PROX2: variants seen among roughly 807,000 people sequenced by gnomAD.
The protein encoded by PROX2 is prospero homeobox protein 2.
A neutral mutation model predicts 48.9 loss-of-function variants in PROX2; 46 were observed. The ratio of observed to expected loss-of-function variants is 0.94; its 90% confidence interval spans 0.74 to 1.20. The LOEUF is 1.20. Ranked by LOEUF, PROX2 falls within the 50% of genes most tolerant of loss-of-function variation. The pLI is 0.00. For synonymous variants in PROX2, 260 were observed against 276.6 expected (o/e 0.94, Z 0.60); for missense variants, 663 against 719.4 (o/e 0.92, Z 0.90).
At chr14:74,865,514 C>T (rs2140170887) in intron 2 of PROX2, among the ~76,000 whole-genome samples, 1 of 152,356 alleles carries the variant, frequency 6.6e-6, no homozygotes, top group African/African-American at 2.4e-5. Flanking sequence ...GTACACTATA[C>T]TCCAACCACG....
rs1293982699 is a variant in PROX2, at chr14:74,853,585, G to C, written c.*1547C>G. The stretch of plus-strand genomic sequence containing the variant: ...AAAATTCATCTTTCATACTTTTTAT[G>C]CTGATAGTTCTAGTAATAGTTTAGG... On this transcript the variant is annotated 3_prime_UTR_variant, in exon 6 of 6. Transcript: ENST00000556489. The C allele has an allele frequency of 6.6e-6, 1 of 152,152 alleles. No individual in the cohort carries two copies. The highest frequency in any genetic ancestry group is 2.4e-5 in the African/African-American group (1 of 41,428). 9.4% of individuals were successfully genotyped at this position (152,152 alleles called of 1,614,324 possible). A position where few individuals can be genotyped will look rare whatever the true frequency, so the allele number is the denominator to read the frequency against.
intron 2 of PROX2, among the ~76,000 whole-genome samples, chr14:74,866,803 C>G (rs1247020536): frequency 6.6e-6 from 1 of 151,974 alleles, no homozygotes; most frequent in Admixed American, 6.6e-5. Context: ...AAAATGGGGT[C>G]AAGAGAGAGT....
At chr14:74,862,381 A>T in intron 3 of PROX2, 149 bp downstream of exon 3, 1 of 821,494 alleles carries the variant, frequency 1.2e-6, no homozygotes, top group Non-Finnish European at 1.8e-6. Flanking sequence ...ATTTTTAGAG[A>T]TGGGGTCTAG....
Position 74,854,392 on chromosome 14 carries a change from G to A in PROX2, c.*740C>T. The A allele has an allele frequency of 3.3e-6, 1 of 304,236 alleles. No homozygotes were observed. Among genetic ancestry groups the A allele is most frequent in the South Asian group, 2.6e-5 (1 of 39,012 alleles). The allele number at this position is 304,236 out of a possible 1,614,324, so 18.8% of individuals were successfully genotyped here. A position where few individuals can be genotyped will look rare whatever the true frequency, so the allele number is the denominator to read the frequency against. On this transcript the variant is annotated 3_prime_UTR_variant, in exon 6 of 6. Transcript: ENST00000556489. ...GTTGTCAGGTGACGGTGCCCTGTCA[G>A]CGCTGGATGCTTACTAGGGGTGGGG... is the stretch of plus-strand genomic sequence containing the variant.
At chr14:74,865,712 T>C (rs1313749359) in intron 2 of PROX2, among the ~76,000 whole-genome samples, 1 of 151,874 alleles carries the variant, frequency 6.6e-6, no homozygotes, top group Non-Finnish European at 1.5e-5. Context: ...GCGCCTATAG[T>C]CCCAGCTACT....
In PROX2 at chr14:74,862,659, C is replaced by T. The variant is rs2091804234; in HGVS notation, c.1176G>A (p.Leu392=). 3.7e-6 allele frequency: 6 copies of T among 1,613,886 alleles called. No homozygotes were observed. The highest frequency in any genetic ancestry group is 3.3e-5 in the South Asian group (3 of 91,084). The change falls in exon 3 of 6, where the codon CTG becomes CTA. Residue 392 remains leucine (L), a synonymous_variant. Coordinates refer to ENST00000556489, the MANE Select transcript of PROX2 (RefSeq NM_001243007.2). ...AAGGCAAGGGACACTGCTGCTGGCT[C>T]AGGACCAATGGTTGCGGCTTAGTAG... ...WRTTKPQPLV[L]SQQQCPLPFT... is the part of the protein sequence containing the mutation.
Position 74,866,528 on chromosome 14 carries a change from C to T in PROX2, c.-174-2520G>A, listed in dbSNP as rs953030426. 2.6e-5 allele frequency among the ~76,000 whole-genome samples: 4 copies of T among 152,132 alleles called. No individual in the cohort carries two copies. In the East Asian group the frequency reaches 5.8e-4, roughly 22 times the overall value. On this transcript the variant is annotated intron_variant, in intron 2 of 5. Transcript: ENST00000556489. ...AGGCAGGGGGAAACCTAGGGGTGTG[C>T]GAGGTCCTGGCAACCAAGTGAAGTA...
At chr14:74,862,382 TG>T in intron 3 of PROX2, 147 bp downstream of exon 3, 7 of 822,374 alleles carry the variant, frequency 8.5e-6, no homozygotes, top group Non-Finnish European at 1.3e-5. Context: ...TTTTTAGAGA[TG>T]GGGTCTAGCT....
At chr14:74,874,430 T>A (rs910150472) in intron 1 of PROX2, among the ~76,000 whole-genome samples, 2 of 151,356 alleles carry the variant, frequency 1.3e-5, no homozygotes, top group African/African-American at 4.9e-5. Context: ...TTTTTGTATT[T>A]GTAGTGGAGA....
chr14:74,855,420 G>T, intron 5 of PROX2, 118 bp from the exon 6 acceptor site: 2 of 694,248 alleles, frequency 2.9e-6, no homozygotes, highest in Non-Finnish European at 4.3e-6. Context: ...GAGCATCCCT[G>T]CTCTAGTGGC....
chr14:74,862,999 C>T lies in PROX2; in HGVS notation c.836G>A (p.Cys279Tyr), dbSNP rs1425541690. The change falls in exon 3 of 6, where the codon TGT (cysteine) becomes TAT (tyrosine). Residue 279 changes from cysteine (C) to tyrosine (Y), a missense_variant. Transcript: ENST00000556489. ...SEPSPPVGGA[C>Y]KDPLALAALP... ...GGCAGCCAAAGCAAGTGGATCTTTA[C>T]AGGCCCCTCCCACAGGAGGTGAGGG... The T allele has an allele frequency of 3.1e-5, 50 of 1,613,892 alleles. No homozygotes were observed. Among genetic ancestry groups the T allele is most frequent in the Non-Finnish European group, 4.2e-5 (49 of 1,179,890 alleles).
Position 74,863,463 on chromosome 14 carries a change from G to T in PROX2, c.372C>A (p.Gly124=). ...TCACACGAGGGCCCCCCTTCCTGTTGCCCTGGTCCCAGGCAGGGGCTGGCA... is the reference window on the plus strand; with the variant it reads ...TCACACGAGGGCCCCCCTTCCTGTTTCCCTGGTCCCAGGCAGGGGCTGGCA... ...LLMPAPAWDQ[G]NRKGGPRVRE... is the part of the protein sequence containing the mutation. Residue 124 remains glycine, a synonymous_variant, in exon 3 of 6, where the codon GGC becomes GGA. Transcript: ENST00000556489. 6.2e-7 allele frequency: 1 copy of T among 1,613,628 alleles called. No individual in the cohort carries two copies. The highest frequency in any genetic ancestry group is 8.5e-7 in the Non-Finnish European group (1 of 1,179,688).
At chr14:74,867,744 G>A (rs924309607) in intron 2 of PROX2, among the ~76,000 whole-genome samples, 1 of 152,176 alleles carries the variant, frequency 6.6e-6, no homozygotes, top group Non-Finnish European at 1.5e-5. Context: ...AATCTCCCTT[G>A]TGGGTTATTC....
rs1256954632 is a variant in PROX2 at position 74,855,085 on chromosome 14, C to T, written c.*47G>A. On this transcript the variant is annotated 3_prime_UTR_variant, in exon 6 of 6. Coordinates refer to ENST00000556489, the MANE Select transcript of PROX2 (RefSeq NM_001243007.2). ...TGCCCTTTAAGACAAACCCAGGAAA[C>T]CCTAGCCAGTCACTCCTCACGTTGT... 4 of 1,355,184 alleles carry T rather than the reference C, an allele frequency of 3.0e-6. No homozygotes were observed. The highest frequency in any genetic ancestry group is 3.9e-6 in the Non-Finnish European group (4 of 1,027,650). The allele number at this position is 1,355,184 out of a possible 1,614,324, so 83.9% of individuals were successfully genotyped here.
At chr14:74,858,719 T>C in intron 3 of PROX2, 1 of 532,758 alleles carries the variant, frequency 1.9e-6, no homozygotes, top group Non-Finnish European at 3.4e-6. Context: ...AATGTAAAAA[T>C]CATCTCGATG....
At chr14:74,865,692 G>A (rs562326802) in intron 2 of PROX2, among the ~76,000 whole-genome samples, 83 of 151,972 alleles carry the variant, frequency 5.5e-4, no homozygotes, top group Non-Finnish European at 8.7e-4. Flanking sequence ...TTAGCCAGGC[G>A]TGGTGGCGGG....
chr14:74,858,542 C>G, intron 3 of PROX2, 28 bp from the exon 4 acceptor site: 1 of 1,180,394 alleles, frequency 8.5e-7, no homozygotes, highest in Non-Finnish European at 1.2e-6. Context: ...AAAATGAACA[C>G]TTTAAAATGC....
rs1267231092 is a variant in PROX2 at position 74,855,150 on chromosome 14, A to T, written c.1761T>A (p.Ser587=). The T allele has an allele frequency of 3.2e-6, 5 of 1,563,502 alleles. No individual in the cohort carries two copies. Among genetic ancestry groups the T allele is most frequent in the Non-Finnish European group, 4.4e-6 (5 of 1,145,788 alleles). The change falls in exon 6 of 6, where the codon TCT becomes TCA. Residue 587 remains serine, a synonymous_variant. Coordinates refer to ENST00000556489, the MANE Select transcript of PROX2 (RefSeq NM_001243007.2). ...GAAACAGCTACTGGGGATAGCTGGA[A>T]GATTTGAATATCTCTGGGATGTCAC... ...LDSDIPEIFK[S]SSYPQ is the part of the protein sequence containing the mutation.
chr14:74,870,624 T>A (rs1038275041), intron 2 of PROX2, among the ~76,000 whole-genome samples: 1 of 152,194 alleles, frequency 6.6e-6, no homozygotes, highest in African/African-American at 2.4e-5. Flanking sequence ...AAAGGCAATC[T>A]TGCCTTTGTT....
Sources: gnomAD v4.1 joint callset for allele counts (sites outside exome capture counted in the v4.1 genomes callset) on GRCh38, gnomAD v4.1.1 for gene constraint, MANE v1.5 for transcripts, NCBI Gene and HGNC (gene_info 2026-07-23, HGNC 2026-07-21) for gene names.